KLHL32: variants seen among roughly 807,000 people sequenced by gnomAD.
The protein encoded by KLHL32 is kelch like family member 32, also known as kelch-like protein 32.
In KLHL32, 35 loss-of-function variants were observed where a neutral mutation model predicts 64.8. The ratio of observed to expected loss-of-function variants is 0.54; its 90% CI spans 0.41 to 0.72. KLHL32 has a LOEUF of 0.72. Among genes scored for constraint, KLHL32 ranks in the 30% least tolerant of loss-of-function variants. The pLI is 0.00. For missense variants in KLHL32, 589 were observed against 768.5 expected (o/e 0.77, Z 2.76); for synonymous variants, 259 against 281.0 (o/e 0.92, Z 0.78).
intron 4 of KLHL32, among the ~76,000 whole-genome samples, chr6:97,043,357 T>C (rs1785418579): frequency 6.6e-6 from 1 of 152,202 alleles, no homozygotes; most frequent in Non-Finnish European, 1.5e-5. Flanking sequence ...CTTAACATAA[T>C]GTCCTCAAAG....
intron 4 of KLHL32, among the ~76,000 whole-genome samples, chr6:97,063,507 G>C (rs1289803278): frequency 2.0e-5 from 3 of 152,132 alleles, no homozygotes; most frequent in African/African-American, 7.2e-5. Context: ...TAGATAGGTT[G>C]GTAGATTTGG....
At chr6:96,956,964 T>C (rs1773351273) in intron 1 of KLHL32, among the ~76,000 whole-genome samples, 1 of 152,176 alleles carries the variant, frequency 6.6e-6, no homozygotes, top group African/African-American at 2.4e-5. Context: ...ATGAGGAAAA[T>C]TTGTACCTCT....
chr6:97,135,743 G>C (rs1799935327), intron 10 of KLHL32, among the ~76,000 whole-genome samples: 1 of 152,126 alleles, frequency 6.6e-6, no homozygotes, highest in Non-Finnish European at 1.5e-5. Context: ...GCTAGTTACA[G>C]GCTATATTAC....
At chr6:97,045,106 C>T (rs1785723968) in intron 4 of KLHL32, among the ~76,000 whole-genome samples, 1 of 152,094 alleles carries the variant, frequency 6.6e-6, no homozygotes, top group African/African-American at 2.4e-5. Context: ...ATTGAGGCAA[C>T]TCTGGCAGCT....
At position 96,935,002 on chromosome 6, in the gene KLHL32, A is replaced by G. The variant is rs549660104; in HGVS notation, c.-66+9976A>G. Reference sequence around the variant, plus strand: ...GTGCTTTTGAATATTAGGCATTTTGAAGAGATATGCAATTGTTAAGCACCA... The same window carrying G: ...GTGCTTTTGAATATTAGGCATTTTGGAGAGATATGCAATTGTTAAGCACCA... On this transcript the variant is annotated intron_variant, in intron 1 of 10. Transcript: ENST00000369261. 3.3e-5 allele frequency among the ~76,000 whole-genome samples: 5 copies of G among 152,350 alleles called. No homozygotes were observed. The South Asian group carries it at 1.0e-3, about 32-fold the overall frequency.
At chr6:96,983,857 G>C (rs966099766) in intron 3 of KLHL32, among the ~76,000 whole-genome samples, 2 of 151,954 alleles carry the variant, frequency 1.3e-5, no homozygotes, top group African/African-American at 4.8e-5. Context: ...TTTTTTGAAG[G>C]GTTCTTTGTG....
chr6:97,049,371 A>G (rs1248321618), intron 4 of KLHL32, among the ~76,000 whole-genome samples: 1 of 152,218 alleles, frequency 6.6e-6, no homozygotes, highest in African/African-American at 2.4e-5. Flanking sequence ...TAACAGGCAG[A>G]GAGCATCTAC....
At chr6:97,118,004 T>A (rs984838637) in intron 7 of KLHL32, among the ~76,000 whole-genome samples, 3 of 152,228 alleles carry the variant, frequency 2.0e-5, no homozygotes, top group Non-Finnish European at 4.4e-5. Flanking sequence ...AGTATAGTGC[T>A]GAGTCACAGA....
intron 6 of KLHL32, among the ~76,000 whole-genome samples, chr6:97,109,845 T>C (rs923667765): frequency 2.0e-5 from 3 of 152,166 alleles, no homozygotes; most frequent in African/African-American, 2.4e-5. Flanking sequence ...TGCCAAGAAA[T>C]TGGTTGCAGA....
intron 3 of KLHL32, among the ~76,000 whole-genome samples, chr6:96,990,958 A>G (rs1418189547): frequency 1.3e-5 from 2 of 150,660 alleles, no homozygotes; most frequent in Non-Finnish European, 3.0e-5. Context: ...GGTTTTGTCT[A>G]GGAGCTCCAC....
intron 6 of KLHL32, among the ~76,000 whole-genome samples, chr6:97,095,034 A>C (rs1316761755): frequency 1.3e-5 from 2 of 152,226 alleles, no homozygotes; most frequent in Non-Finnish European, 2.9e-5. Flanking sequence ...TTTGCTCTTA[A>C]TATAGCTTTT....
At chr6:97,012,852 T>C (rs1304290806) in intron 3 of KLHL32, among the ~76,000 whole-genome samples, 2 of 152,228 alleles carry the variant, frequency 1.3e-5, no homozygotes, top group Admixed American at 6.5e-5. Context: ...GTCAGAAGGA[T>C]TTGACATGTT....
chr6:97,069,321 T>C (rs1790328266), intron 5 of KLHL32, among the ~76,000 whole-genome samples: 1 of 152,134 alleles, frequency 6.6e-6, no homozygotes, highest in Non-Finnish European at 1.5e-5. Context: ...TTATTTTCTC[T>C]CTTCAGTTAA....
At chr6:97,016,495 G>A (rs374184230) in intron 3 of KLHL32, among the ~76,000 whole-genome samples, 243 of 152,330 alleles carry the variant, frequency 1.6e-3, no homozygotes, top group African/African-American at 5.3e-3. Context: ...CTTTTGGAAC[G>A]AGTGTATTTA....
chr6:96,992,664 G>A (rs1778020271), intron 3 of KLHL32, among the ~76,000 whole-genome samples: 1 of 152,216 alleles, frequency 6.6e-6, no homozygotes, highest in Non-Finnish European at 1.5e-5. Context: ...GGTGTTTGCT[G>A]CTACTCCCAG....
chr6:97,003,358 T>C (rs1779271293), intron 3 of KLHL32, among the ~76,000 whole-genome samples: 1 of 139,360 alleles, frequency 7.2e-6, no homozygotes. Flanking sequence ...TGTTTTTTGC[T>C]TGTTAATTTA....
At chr6:97,133,312 A>G (rs1400424660) in intron 10 of KLHL32, among the ~76,000 whole-genome samples, 2 of 152,218 alleles carry the variant, frequency 1.3e-5, no homozygotes, top group African/African-American at 4.8e-5. Context: ...CAGAAGAGCA[A>G]TAGCCCTCAT....
At chr6:97,063,205 T>C (rs1039816787) in intron 4 of KLHL32, among the ~76,000 whole-genome samples, 2 of 152,152 alleles carry the variant, frequency 1.3e-5, no homozygotes, top group African/African-American at 4.8e-5. Flanking sequence ...CAGTTAAGTT[T>C]AGGAAGAGGA....
At chr6:97,138,978 C>A in intron 10 of KLHL32, 143 bp from the exon 11 acceptor site, 1 of 709,522 alleles carries the variant, frequency 1.4e-6, no homozygotes, top group Non-Finnish European at 2.3e-6. Flanking sequence ...ATTTCTAGTA[C>A]CATCCAAGCA....
Sources: allele counts gnomAD v4.1 joint callset (sites outside exome capture counted in the v4.1 genomes callset), GRCh38; gene constraint gnomAD v4.1.1; transcripts MANE v1.5; gene names NCBI Gene and HGNC (gene_info 2026-07-23, HGNC 2026-07-21).